AGL: variants seen among roughly 807,000 people sequenced by gnomAD.
AGL encodes the protein glycogen debranching enzyme.
Under a neutral mutation model 199.3 loss-of-function variants are expected in AGL, and 128 were observed. The ratio of observed to expected loss-of-function variants is 0.64; its 90% CI spans 0.56 to 0.74. The LOEUF (loss-of-function observed/expected upper bound fraction) is 0.74, where lower values mean the gene tolerates loss of function less well. AGL is among the 30% of genes least tolerant of loss of function. The pLI, the probability that AGL is intolerant of heterozygous loss-of-function variation, is 0.00. For missense variants in AGL, 1,809 were observed against 1,820.8 expected (o/e 0.99, Z 0.12); for synonymous variants, 584 against 594.7 (o/e 0.98, Z 0.26).
intron 25 of AGL, among the ~76,000 whole-genome samples, chr1:99,899,582 CTCCT>C (rs1204326400): frequency 1.2e-4 from 17 of 136,010 alleles, no homozygotes; most frequent in East Asian, 7.3e-4. Context: ...CCCTCCCTCT[CTCCT>C]TCCTTCCTTC....
chr1:99,858,373 C>G (rs1438516096), intron 2 of AGL, among the ~76,000 whole-genome samples: 1 of 152,154 alleles, frequency 6.6e-6, no homozygotes, highest in Non-Finnish European at 1.5e-5. Context: ...GAAATTGATG[C>G]TTGGAGCAGA....
chr1:99,870,262 G>T, intron 5 of AGL, 138 bp from the exon 6 acceptor site: 1 of 870,254 alleles, frequency 1.1e-6, no homozygotes. Context: ...TCCTGTAACA[G>T]TATCATCGTA....
chr1:99,888,514 A>G (rs55767225), intron 21 of AGL, among the ~76,000 whole-genome samples: 2,988 of 152,280 alleles, frequency 0.02, 41 homozygotes, highest in Non-Finnish European at 0.031. Flanking sequence ...AATAAACAGA[A>G]TATTCTTGTT....
At position 99,916,802 on chromosome 1, in the gene AGL, A is replaced by G. The variant is rs557643599; in HGVS notation, c.4481+71A>G. ...GTTTATTAGCTATTAGGTAAATTAC[A>G]GTTTCTTAGAATTGATTTCTGTATG... On this transcript the variant is annotated intron_variant, in intron 33 of 33. Coordinates refer to ENST00000361915, the MANE Select transcript of AGL (RefSeq NM_000642.3). 230 of 1,532,704 alleles carry G rather than the reference A, an allele frequency of 1.5e-4. 1 individual carries two copies. Among genetic ancestry groups the G allele is most frequent in the South Asian group, 4.1e-4 (36 of 88,458 alleles). The allele number at this position is 1,532,704 out of a possible 1,614,324, so 94.9% of individuals were successfully genotyped here. A position where few individuals can be genotyped will look rare whatever the true frequency, so the allele number is the denominator to read the frequency against.
intron 2 of AGL, among the ~76,000 whole-genome samples, chr1:99,857,263 GC>G (rs928161972): frequency 6.6e-4 from 101 of 152,072 alleles, no homozygotes; most frequent in African/African-American, 2.4e-3. Flanking sequence ...GGGCGGCCGG[GC>G]AGAGACGCTC....
At chr1:99,879,654 T>C (rs185661888) in intron 12 of AGL, among the ~76,000 whole-genome samples, 6 of 152,292 alleles carry the variant, frequency 3.9e-5, no homozygotes, top group Non-Finnish European at 8.8e-5. Flanking sequence ...TGTAGTGTTA[T>C]GATTTACATT....
At chr1:99,883,242 TCTGTTAC>T (rs527823502) in intron 17 of AGL, among the ~76,000 whole-genome samples, 161 of 152,294 alleles carry the variant, frequency 1.1e-3, no homozygotes, top group Admixed American at 1.6e-3. Context: ...ATCAAAAGGT[TCTGTTAC>T]CTGTTGCCAG....
In AGL at chr1:99,907,528, G is replaced by A. The variant is rs190764559; in HGVS notation, c.3701-3184G>A. ...TTGTTGACCTTTTTGAGTAACTACC[G>A]TACTGTCTTCCACAGTGGCTGTGCC... On this transcript the variant is annotated intron_variant, in intron 27 of 33. Coordinates refer to ENST00000361915, the MANE Select transcript of AGL (RefSeq NM_000642.3). Among the ~76,000 whole-genome samples the A allele has an allele frequency of 4.1e-3, 629 of 152,164 alleles. 1 individual carries two copies. The highest frequency in any genetic ancestry group is 5.5e-3 in the Non-Finnish European group (375 of 67,956).
chr1:99,916,990 C>A (rs950828877), intron 33 of AGL, among the ~76,000 whole-genome samples: 1 of 151,998 alleles, frequency 6.6e-6, no homozygotes, highest in Admixed American at 6.6e-5. Flanking sequence ...TTTAAAATTT[C>A]CCTGATGTTT....
intron 27 of AGL, among the ~76,000 whole-genome samples, chr1:99,909,684 C>A (rs1654594823): frequency 1.3e-5 from 2 of 152,000 alleles, no homozygotes; most frequent in Admixed American, 6.6e-5. Flanking sequence ...AGGGAACTCA[C>A]CACTATGACA....
In AGL at chr1:99,863,899, C is replaced by T. The variant is rs559583443; in HGVS notation, c.461-487C>T. ...TCAAGTAGTCCTCTTGCCTTGGCCT[C>T]CCAAAGTGCTGGGATTACAGGTGCA... On this transcript the variant is annotated intron_variant, in intron 4 of 33. Coordinates refer to ENST00000361915, the MANE Select transcript of AGL (RefSeq NM_000642.3). 5.2e-4 allele frequency among the ~76,000 whole-genome samples: 79 copies of T among 152,218 alleles called. 1 individual carries two copies. The highest frequency in any genetic ancestry group is 1.9e-3 in the African/African-American group (77 of 41,546).
chr1:99,879,757 T>C (rs1365615570), intron 12 of AGL, among the ~76,000 whole-genome samples, 166 bp from the exon 13 acceptor site: 1 of 152,208 alleles, frequency 6.6e-6, no homozygotes, highest in African/African-American at 2.4e-5. Context: ...ACCGTTTTCT[T>C]CTCTTGATAA....
chr1:99,878,458 A>G (rs995608584), intron 12 of AGL, among the ~76,000 whole-genome samples: 8 of 152,138 alleles, frequency 5.3e-5, no homozygotes, highest in South Asian at 2.1e-4. Context: ...TTATAAGTGT[A>G]AACATAAACA....
chr1:99,856,306 T>TC lies in AGL; in HGVS notation c.82+5184dup, dbSNP rs1317542490. Among the ~76,000 whole-genome samples, 420 of 55,564 alleles carry TC rather than the reference T, an allele frequency of 7.6e-3. 15 individuals carry two copies. Among genetic ancestry groups the TC allele is most frequent in the African/African-American group, 0.016 (383 of 23,230 alleles). The allele number at this position is 55,564 out of a possible 152,430, so 36.5% of individuals were successfully genotyped here. A position where few individuals can be genotyped will look rare whatever the true frequency, so the allele number is the denominator to read the frequency against. ...GAAAATATAACATCCCTTCCTTCCT[T>TC]CCTCCCTCCCTCCCTTCCTTCCTCC... On this transcript the variant is annotated intron_variant, in intron 2 of 33. Transcript: ENST00000361915.
chr1:99,864,528 G>A lies in AGL; in HGVS notation c.603G>A (p.Val201=), dbSNP rs1650338034. The A allele has an allele frequency of 1.9e-6, 3 of 1,613,650 alleles. No homozygotes were observed. Among genetic ancestry groups the A allele is most frequent in the Non-Finnish European group, 1.7e-6 (2 of 1,179,858 alleles). ...CCTGGAATGATGTTGGACAGCTAGT[G>A]GAAAAATTAAAAAAGGAATGGAATG... ...KYTWNDVGQL[V]EKLKKEWNVI... The change falls in exon 5 of 34, where the codon GTG becomes GTA. Residue 201 remains valine, a synonymous_variant. Transcript: ENST00000361915.
chr1:99,911,925 A>T (rs540744396), intron 28 of AGL, among the ~76,000 whole-genome samples: 1 of 152,328 alleles, frequency 6.6e-6, no homozygotes, highest in African/African-American at 2.4e-5. Flanking sequence ...TCTACAAAAA[A>T]TAATTAATAA....
chr1:99,905,374 TG>T (rs1421970790), intron 27 of AGL, among the ~76,000 whole-genome samples: 8 of 106,046 alleles, frequency 7.5e-5, no homozygotes, highest in Non-Finnish European at 1.2e-4. Flanking sequence ...TTTTTGTATT[TG>T]TTGTTGTTGT....
chr1:99,871,457 A>T (rs1302873790), intron 7 of AGL, among the ~76,000 whole-genome samples: 1 of 146,324 alleles, frequency 6.8e-6, no homozygotes, highest in Non-Finnish European at 1.5e-5. Flanking sequence ...AGGTGAAATG[A>T]GAAAGTAGGG....
At chr1:99,893,777 A>G (rs620281) in intron 24 of AGL, among the ~76,000 whole-genome samples, 118,301 of 152,148 alleles carry the variant, frequency 0.78, 46,147 homozygotes, top group East Asian at 0.85. Flanking sequence ...TCCCAAGGGA[A>G]TGTTTTGCCT....
Sources: gnomAD v4.1 joint callset for allele counts (sites outside exome capture counted in the v4.1 genomes callset) on GRCh38, gnomAD v4.1.1 for gene constraint, MANE v1.5 for transcripts, NCBI Gene and HGNC (gene_info 2026-07-23, HGNC 2026-07-21) for gene names.